C8orf89: variants seen among roughly 807,000 people sequenced by gnomAD.
C8orf89 encodes the protein chromosome 8 open reading frame 89.
A neutral mutation model predicts 15.8 loss-of-function variants in C8orf89; 14 were observed. The ratio of observed to expected loss-of-function variants is 0.89; its 90% CI spans 0.59 to 1.39. C8orf89 has a LOEUF of 1.39. Ranked by LOEUF, C8orf89 falls within the 40% of genes most tolerant of loss-of-function variation. The pLI is 0.00. For missense variants in C8orf89, 181 were observed against 184.5 expected, an observed-to-expected ratio of 0.98 and a Z score of 0.11; for synonymous variants, 55 against 62.2, an observed-to-expected ratio of 0.88 and a Z score of 0.54.
At chr8:73,270,859 A>G in the C8orf89 span, among the ~76,000 whole-genome samples, 1 of 152,258 alleles carries the variant, frequency 6.6e-6, no homozygotes, top group Non-Finnish European at 1.5e-5. Context: ...TCCCACTTCC[A>G]AAATCTGAAA....
intron 1 of C8orf89, among the ~76,000 whole-genome samples, chr8:73,257,932 G>A (rs1813435178): frequency 6.6e-6 from 1 of 152,104 alleles, no homozygotes; most frequent in African/African-American, 2.4e-5. Context: ...GGAAAAAATA[G>A]TTTCTGTTGG....
chr8:73,281,732 G>A, the C8orf89 span, among the ~76,000 whole-genome samples: 1 of 152,208 alleles, frequency 6.6e-6, no homozygotes, highest in Non-Finnish European at 1.5e-5. Context: ...AATCAACTGT[G>A]GGAGAGAAGG....
the C8orf89 span, among the ~76,000 whole-genome samples, chr8:73,274,052 A>G: frequency 6.6e-6 from 1 of 150,446 alleles, no homozygotes; most frequent in Non-Finnish European, 1.5e-5. Context: ...ACTGTTAACT[A>G]TTTTCTCTTT....
chr8:73,258,685 G>A (rs1453156209), intron 1 of C8orf89, among the ~76,000 whole-genome samples: 1 of 146,578 alleles, frequency 6.8e-6, no homozygotes, highest in African/African-American at 2.6e-5. Flanking sequence ...CTGAAGTACA[G>A]TGGCATGGTC....
At chr8:73,267,340 A>G in the C8orf89 span, among the ~76,000 whole-genome samples, 4 of 152,226 alleles carry the variant, frequency 2.6e-5, no homozygotes, top group Admixed American at 6.5e-5. Context: ...ATTTTATTGT[A>G]TGTAATATTT....
chr8:73,284,947 T>C, the C8orf89 span, among the ~76,000 whole-genome samples: 5 of 152,224 alleles, frequency 3.3e-5, no homozygotes, highest in Admixed American at 3.3e-4. Flanking sequence ...CCCAAAAAGG[T>C]TGTATGGGAA....
At chr8:73,255,788 A>G (rs1350017875) in intron 2 of C8orf89, among the ~76,000 whole-genome samples, 2 of 151,146 alleles carry the variant, frequency 1.3e-5, no homozygotes, top group East Asian at 1.9e-4. Flanking sequence ...CATAAAAAAT[A>G]ATGAGTTCAT....
upstream of C8orf89, chr8:73,259,593 A>G: frequency 2.0e-6 from 1 of 497,294 alleles, no homozygotes; most frequent in Non-Finnish European, 3.2e-6. Context: ...AACTTTGAAC[A>G]TTTTAATGAA....
the C8orf89 span, among the ~76,000 whole-genome samples, chr8:73,273,522 G>T: frequency 3.2e-4 from 48 of 152,228 alleles, no homozygotes; most frequent in Non-Finnish European, 6.0e-4. Context: ...GGAGGCCGAG[G>T]TGGGGCTGAG....
chr8:73,253,858 T>A (rs1813305282), intron 2 of C8orf89, among the ~76,000 whole-genome samples: 1 of 149,536 alleles, frequency 6.7e-6, no homozygotes, highest in African/African-American at 2.5e-5. Context: ...TTTCTAGATA[T>A]ACAATCATGT....
At chr8:73,261,340 T>C (rs796606217), upstream of C8orf89, among the ~76,000 whole-genome samples, 12 of 152,204 alleles carry the variant, frequency 7.9e-5, no homozygotes, top group African/African-American at 2.6e-4. Flanking sequence ...GCAGTGTATG[T>C]GCTGCACACC....
At chr8:73,260,422 A>G (rs1813503316), upstream of C8orf89, among the ~76,000 whole-genome samples, 1 of 152,134 alleles carries the variant, frequency 6.6e-6, no homozygotes, top group East Asian at 1.9e-4. Flanking sequence ...GCATTAGGAG[A>G]TATACCTAAT....
Position 73,259,372 on chromosome 8 carries a change from A to T in C8orf89, c.87T>A (p.Ser29Arg). The change falls in exon 1 of 4, where the codon AGT becomes AGA. Residue 29 changes from serine to arginine, a missense_variant. Physicochemically the swap from Ser to Arg is moderately radical, Grantham distance 110 (BLOSUM62 -1). Transcript: ENST00000624510. ...SFGSCLIFESSWKKAVLETQK... is the reference protein window; with the variant it reads ...SFGSCLIFESRWKKAVLETQK... Reference sequence around the variant, plus strand: ...GTGTTTCTAAAACTGCTTTCTTCCAACTACTCTCAAAAATCAAACAACTGC... The same window carrying T: ...GTGTTTCTAAAACTGCTTTCTTCCATCTACTCTCAAAAATCAAACAACTGC... 6.6e-7 allele frequency: 1 copy of T among 1,526,130 alleles called. No homozygotes were observed. The highest frequency in any genetic ancestry group is 8.8e-7 in the Non-Finnish European group (1 of 1,138,354). 94.5% of individuals were successfully genotyped at this position (1,526,130 alleles called of 1,614,324 possible).
At chr8:73,275,807 A>G in the C8orf89 span, among the ~76,000 whole-genome samples, 2 of 152,100 alleles carry the variant, frequency 1.3e-5, no homozygotes, top group Non-Finnish European at 2.9e-5. Context: ...CTTTTAGTTT[A>G]TCAGAAACTT....
At chr8:73,275,495 C>T in the C8orf89 span, among the ~76,000 whole-genome samples, 1 of 152,126 alleles carries the variant, frequency 6.6e-6, no homozygotes, top group East Asian at 1.9e-4. Flanking sequence ...ACCTCAGCCT[C>T]CCAAAGTGCT....
the C8orf89 span, among the ~76,000 whole-genome samples, chr8:73,275,214 G>A: frequency 7.6e-6 from 1 of 131,534 alleles, no homozygotes; most frequent in African/African-American, 2.8e-5. Context: ...ACATTCTTAT[G>A]TACACTTGTA....
chr8:73,282,150 TATTC>T, the C8orf89 span, among the ~76,000 whole-genome samples: 478 of 152,348 alleles, frequency 3.1e-3, 3 homozygotes, highest in African/African-American at 0.011. Flanking sequence ...CACTTAAATA[TATTC>T]ATTAAGCATG....
At chr8:73,279,116 T>C in the C8orf89 span, among the ~76,000 whole-genome samples, 10,497 of 152,238 alleles carry the variant, frequency 0.069, 546 homozygotes, top group Non-Finnish European at 0.087. Context: ...AAAATTTAAA[T>C]TTTTTTCTAT....
the C8orf89 span, among the ~76,000 whole-genome samples, chr8:73,281,176 T>C: frequency 6.6e-6 from 1 of 152,270 alleles, no homozygotes; most frequent in East Asian, 1.9e-4. Flanking sequence ...CCTAGCATTT[T>C]AGAAGGCAGA....
Sources: gnomAD v4.1 joint callset for allele counts (sites outside exome capture counted in the v4.1 genomes callset) on GRCh38, gnomAD v4.1.1 for gene constraint, MANE v1.5 for transcripts, NCBI Gene and HGNC (gene_info 2026-07-23, HGNC 2026-07-21) for gene names.